PRUNE2: variants seen among roughly 807,000 people sequenced by gnomAD.
The protein encoded by PRUNE2 is prune homolog 2 with BCH domain, also known as protein prune homolog 2.
PRUNE2 carries 164 observed loss-of-function variants against 252.0 expected under a neutral mutation model. The ratio of observed to expected loss-of-function variants is 0.65; its 90% CI spans 0.57 to 0.74. The LOEUF (loss-of-function observed/expected upper bound fraction) is 0.74. PRUNE2 is among the 30% of genes least tolerant of loss of function. The pLI, the probability that PRUNE2 is intolerant of heterozygous loss-of-function variation, is 0.00. For synonymous variants in PRUNE2, 1,292 were observed against 1,350.2 expected (o/e 0.96, Z 0.94); for missense variants, 3,495 against 3,711.0 (o/e 0.94, Z 1.51).
At chr9:76,668,999 T>A (rs2040777110) in intron 9 of PRUNE2, among the ~76,000 whole-genome samples, 1 of 151,448 alleles carries the variant, frequency 6.6e-6, no homozygotes, top group Non-Finnish European at 1.5e-5. Context: ...CCTCTGTGTG[T>A]GTGCATGTCC....
In PRUNE2 at chr9:76,703,532, G is replaced by A. The variant is rs1397329110; in HGVS notation, c.8081C>T (p.Pro2694Leu). ...CTTACTCTTCTGTGATTGGCTGACT[G>A]GACCAGAGGCTTCCTCTAGTGCCAA... The part of the protein sequence containing the change: ...ESLALEEASG[P>L]VSQSQKSKSR... Residue 2694 changes from proline (P) to leucine (L), a missense_variant, in exon 9 of 19, where the codon CCA becomes CTA. Transcript: ENST00000376718. 2 of 1,613,828 alleles carry A rather than the reference G, an allele frequency of 1.2e-6. No individual in the cohort carries two copies. The highest frequency in any genetic ancestry group is 1.7e-6 in the Non-Finnish European group (2 of 1,179,862).
chr9:76,834,709 T>C (rs2058858252), intron 4 of PRUNE2, among the ~76,000 whole-genome samples: 1 of 152,208 alleles, frequency 6.6e-6, no homozygotes, highest in African/African-American at 2.4e-5. Flanking sequence ...GATGATATAC[T>C]GATAAAAGTA....
chr9:76,638,245 G>A lies in PRUNE2; in HGVS notation c.8772C>T (p.Ala2924=). Residue 2924 remains alanine (A), a synonymous_variant, in exon 13 of 19, where the codon GCC becomes GCT. Coordinates refer to ENST00000376718, the MANE Select transcript of PRUNE2 (RefSeq NM_015225.3). ...CCCGACTGCTGTCTGGCAGAAAACAGGCGGCAAACACAATGATGGCATTTA... is the reference window on the plus strand; with the variant it reads ...CCCGACTGCTGTCTGGCAGAAAACAAGCGGCAAACACAATGATGGCATTTA... The part of the protein sequence containing the change: ...DGLNAIIVFA[A]CFLPDSSRAD... 1.2e-6 allele frequency: 2 copies of A among 1,613,836 alleles called. No individual in the cohort carries two copies. Among genetic ancestry groups the A allele is most frequent in the Non-Finnish European group, 1.7e-6 (2 of 1,179,788 alleles).
intron 1 of PRUNE2, among the ~76,000 whole-genome samples, chr9:76,900,385 C>T (rs955474074): frequency 6.6e-6 from 1 of 152,170 alleles, no homozygotes; most frequent in Non-Finnish European, 1.5e-5. Flanking sequence ...CCACTAGTCT[C>T]ATAAGAGCTC....
At chr9:76,835,435 T>C (rs368825752) in intron 4 of PRUNE2, among the ~76,000 whole-genome samples, 2 of 152,008 alleles carry the variant, frequency 1.3e-5, no homozygotes, top group African/African-American at 4.8e-5. Context: ...TCTGAAGAGG[T>C]ATAAAAAGAA....
At chr9:76,820,854 TG>T (rs1270199986) in intron 6 of PRUNE2, among the ~76,000 whole-genome samples, 1 of 152,190 alleles carries the variant, frequency 6.6e-6, no homozygotes, top group Non-Finnish European at 1.5e-5. Context: ...CTTTCCTAGC[TG>T]ATTTATTTAA....
chr9:76,619,352 G>T lies in PRUNE2; in HGVS notation c.9224C>A (p.Ser3075Tyr). The stretch of plus-strand genomic sequence containing the variant: ...GGTGAATTCTTACTCCTTCTCCATA[G>T]AAGACATTTCTGGATCATTGTAAAG... ...SCLYNDPEMS[S>Y]MEKDIDLKLK... Residue 3075 changes from serine to tyrosine, a missense_variant, in exon 18 of 19, where the codon TCT (serine) becomes TAT (tyrosine). Coordinates refer to ENST00000376718, the MANE Select transcript of PRUNE2 (RefSeq NM_015225.3). 6.2e-7 allele frequency: 1 copy of T among 1,604,746 alleles called. No individual in the cohort carries two copies.
intron 12 of PRUNE2, among the ~76,000 whole-genome samples, chr9:76,639,831 C>T (rs1355924459): frequency 2.0e-5 from 3 of 152,122 alleles, no homozygotes; most frequent in South Asian, 2.1e-4. Flanking sequence ...ATTGAAACTC[C>T]GGGGGTCAAG....
chr9:76,840,807 C>G (rs549637930), intron 4 of PRUNE2, among the ~76,000 whole-genome samples: 4 of 152,248 alleles, frequency 2.6e-5, no homozygotes, highest in East Asian at 3.9e-4. Flanking sequence ...ATGGCGAAAC[C>G]CAGTCTCTGC....
At chr9:76,714,981 C>T (rs1050544440) in intron 6 of PRUNE2, among the ~76,000 whole-genome samples, 4 of 152,108 alleles carry the variant, frequency 2.6e-5, no homozygotes, top group Admixed American at 6.5e-5. Context: ...TGTCACTCAA[C>T]AAAAAACACC....
chr9:76,649,413 C>T (rs1846270394), intron 11 of PRUNE2, among the ~76,000 whole-genome samples: 1 of 152,148 alleles, frequency 6.6e-6, no homozygotes. Context: ...GGCAAAACCT[C>T]ATCTCTACAA....
At chr9:76,669,889 A>G (rs1011232607) in intron 9 of PRUNE2, among the ~76,000 whole-genome samples, 1 of 152,166 alleles carries the variant, frequency 6.6e-6, no homozygotes, top group African/African-American at 2.4e-5. Flanking sequence ...GGTAAATCTG[A>G]GTCACCTTTT....
At chr9:76,878,171 GC>G (rs2133220901) in intron 1 of PRUNE2, among the ~76,000 whole-genome samples, 1 of 152,314 alleles carries the variant, frequency 6.6e-6, no homozygotes, top group South Asian at 2.1e-4. Flanking sequence ...GCACAAGAAT[GC>G]AGGCTGACCC....
intron 3 of PRUNE2, among the ~76,000 whole-genome samples, chr9:76,847,312 C>G (rs1398975396): frequency 7.0e-6 from 1 of 142,842 alleles, no homozygotes; most frequent in East Asian, 2.0e-4. Flanking sequence ...GGCAATAGAG[C>G]GAGAATCTGT....
At chr9:76,899,010 G>A (rs1179657201) in intron 1 of PRUNE2, among the ~76,000 whole-genome samples, 1 of 152,198 alleles carries the variant, frequency 6.6e-6, no homozygotes, top group Non-Finnish European at 1.5e-5. Context: ...CAGTGCCAGG[G>A]CTGGACAGGA....
chr9:76,739,144 C>A (rs1354573981), intron 6 of PRUNE2: 1 of 152,086 alleles, frequency 6.6e-6, no homozygotes, highest in Non-Finnish European at 1.5e-5. Flanking sequence ...ATCCCATTTT[C>A]CACAAAGAAC....
intron 6 of PRUNE2, among the ~76,000 whole-genome samples, chr9:76,758,141 G>C (rs1403459908): frequency 6.6e-6 from 1 of 152,176 alleles, no homozygotes; most frequent in African/African-American, 2.4e-5. Context: ...GAGTAAAAGA[G>C]ATGAAAATAA....
At chr9:76,746,021 T>A (rs10869812) in intron 6 of PRUNE2, among the ~76,000 whole-genome samples, 20 of 152,160 alleles carry the variant, frequency 1.3e-4, no homozygotes, top group African/African-American at 4.3e-4. Flanking sequence ...ATGATGAGAC[T>A]TTGCTATGTG....
chr9:76,670,194 G>A (rs1306623052), intron 9 of PRUNE2, among the ~76,000 whole-genome samples: 2 of 152,152 alleles, frequency 1.3e-5, no homozygotes, highest in Non-Finnish European at 1.5e-5. Flanking sequence ...GTGGGTGCGC[G>A]CACCGTGCGC....
Sources: gnomAD v4.1 joint callset for allele counts (sites outside exome capture counted in the v4.1 genomes callset) on GRCh38, gnomAD v4.1.1 for gene constraint, MANE v1.5 for transcripts, NCBI Gene and HGNC (gene_info 2026-07-23, HGNC 2026-07-21) for gene names.